MYO1E: variants seen among roughly 807,000 people sequenced by gnomAD.
MYO1E encodes unconventional myosin-Ie.
In MYO1E, 68 loss-of-function variants were observed where a neutral mutation model predicts 151.1. That is an observed-to-expected ratio of 0.45 (90% CI 0.37 to 0.55). The LOEUF (loss-of-function observed/expected upper bound fraction) is 0.55. Ranked by LOEUF, MYO1E falls within the 20% of genes least tolerant of loss-of-function variation. The pLI is 0.00. For synonymous variants in MYO1E, 601 were observed against 501.7 expected (o/e 1.20, Z -2.64); for missense variants, 1,363 against 1,389.3 (o/e 0.98, Z 0.30).
chr15:59,229,325 C>T (rs1365138591), intron 6 of MYO1E, among the ~76,000 whole-genome samples: 1 of 152,116 alleles, frequency 6.6e-6, no homozygotes, highest in Non-Finnish European at 1.5e-5. Flanking sequence ...AGGACCAGGG[C>T]CCGGAGCTGT....
chr15:59,353,356 C>CAAAAAAAA, intron 1 of MYO1E, among the ~76,000 whole-genome samples: 1 of 57,556 alleles, frequency 1.7e-5, no homozygotes, highest in Non-Finnish European at 3.6e-5. Flanking sequence ...GACCCTGTCT[C>CAAAAAAAA]AAAAAAAAAA....
chr15:59,195,384 G>C, intron 17 of MYO1E, 77 bp downstream of exon 17: 1 of 1,278,702 alleles, frequency 7.8e-7, no homozygotes. Context: ...CACTGCTCCT[G>C]CCTGTGATGG....
chr15:59,251,839 T>C (rs564604590), intron 4 of MYO1E, among the ~76,000 whole-genome samples: 1 of 152,214 alleles, frequency 6.6e-6, no homozygotes, highest in Non-Finnish European at 1.5e-5. Context: ...CAGGTTGACA[T>C]AGAAAAGGAT....
At position 59,138,209 on chromosome 15, in the gene MYO1E, A is replaced by G. The variant is rs376334415; in HGVS notation, c.3239T>C (p.Ile1080Thr). The G allele has an allele frequency of 1.9e-6, 3 of 1,614,046 alleles. No individual in the cohort carries two copies. Among genetic ancestry groups the G allele is most frequent in the African/African-American group, 2.7e-5 (2 of 74,902 alleles). Residue 1080 changes from isoleucine to threonine, a missense_variant, in exon 27 of 28, where the codon ATT becomes ACT. Ile to Thr is a moderately conservative substitution (Grantham distance 89). Transcript: ENST00000288235. ...LSFNANDIID[I>T]IKEDPSGWWT... ...AGCCACACACTTACCTTCTTTGATA[A>G]TATCAATAATGTCATTGGCATTAAA...
In MYO1E at chr15:59,272,561, G is replaced by A. The variant is rs1434146215; in HGVS notation, c.4-112C>T. ...CTTAAAATAAAATGTAGCAGAAAGAGCAGTGCAGAGAAAGATTCTGCAATC... is the reference window on the plus strand; with the variant it reads ...CTTAAAATAAAATGTAGCAGAAAGAACAGTGCAGAGAAAGATTCTGCAATC... On this transcript the variant is annotated intron_variant, in intron 1 of 27. Coordinates refer to ENST00000288235, the MANE Select transcript of MYO1E (RefSeq NM_004998.4). 7 of 1,170,922 alleles carry A rather than the reference G, an allele frequency of 6.0e-6. No homozygotes were observed. In the African/African-American group the frequency reaches 1.1e-4, roughly 18 times the overall value. 72.5% of individuals were successfully genotyped at this position (1,170,922 alleles called of 1,614,324 possible).
At chr15:59,138,504 G>T in intron 26 of MYO1E, 137 bp from the exon 27 acceptor site, 1 of 916,796 alleles carries the variant, frequency 1.1e-6, no homozygotes, top group East Asian at 2.5e-5. Context: ...ATGTGGCCCA[G>T]GGTGCAGTCT....
chr15:59,166,973 C>G (rs1450413723), intron 22 of MYO1E, among the ~76,000 whole-genome samples: 1 of 152,214 alleles, frequency 6.6e-6, no homozygotes. Context: ...GAGGCAGTGA[C>G]TGTGCCTCAT....
chr15:59,319,906 GCAAA>G lies in MYO1E; in HGVS notation c.4-47461_4-47458del, dbSNP rs766495069. On this transcript the variant is annotated intron_variant, in intron 1 of 27. Transcript: ENST00000288235. ...AACAAGAGCAAAACTCCGTCTCAAAGCAAACAAACAAACAAAGAAAGAAACACCC... is the reference window on the plus strand; with the variant it reads ...AACAAGAGCAAAACTCCGTCTCAAAGCAAACAAACAAAGAAAGAAACACCC... Among the ~76,000 whole-genome samples the G allele has an allele frequency of 9.9e-5, 15 of 151,986 alleles. No individual in the cohort carries two copies. In the East Asian group the frequency reaches 2.5e-3, roughly 26 times the overall value.
chr15:59,250,256 C>G (rs2080156285), intron 4 of MYO1E, among the ~76,000 whole-genome samples: 1 of 152,136 alleles, frequency 6.6e-6, no homozygotes, highest in Non-Finnish European at 1.5e-5. Flanking sequence ...TGGGACATAC[C>G]ATCGCAATTC....
chr15:59,269,983 T>C lies in MYO1E; in HGVS notation c.147+2323A>G, dbSNP rs188428302. On this transcript the variant is annotated intron_variant, in intron 2 of 27. Transcript: ENST00000288235. ...TTACAACTACTTAGCTCTGCCACCA[T>C]AGTGTGAAAACAACCCTAAACAATA... Among the ~76,000 whole-genome samples, 157 of 152,234 alleles carry C rather than the reference T, an allele frequency of 1.0e-3. 1 individual carries two copies. The East Asian group carries it at 0.024, about 23-fold the overall frequency.
At chr15:59,161,485 G>T (rs7165647) in intron 23 of MYO1E, among the ~76,000 whole-genome samples, 2 of 152,094 alleles carry the variant, frequency 1.3e-5, no homozygotes, top group African/African-American at 4.8e-5. Context: ...AGGTACATCT[G>T]GCTAATGTGC....
rs1201522899 is a variant in MYO1E at position 59,159,286 on chromosome 15, A to G, written c.2786-907T>C. Among the ~76,000 whole-genome samples, 2 of 152,268 alleles carry G rather than the reference A, an allele frequency of 1.3e-5. No homozygotes were observed. The highest frequency in any genetic ancestry group is 3.9e-4 in the East Asian group (2 of 5,178). ...GGCCACTCTCGCCACCCCAAATAAG[A>G]TAGAATCCAACACCTATTGGGCAAT... is the stretch of plus-strand genomic sequence containing the variant. On this transcript the variant is annotated intron_variant, in intron 24 of 27. Transcript: ENST00000288235. The surrounding 1 kb of genome is among the most constrained non-coding windows in gnomAD (Gnocchi z 4.4).
At chr15:59,299,831 AATC>A (rs2080471518) in intron 1 of MYO1E, among the ~76,000 whole-genome samples, 1 of 152,192 alleles carries the variant, frequency 6.6e-6, no homozygotes, top group South Asian at 2.1e-4. Flanking sequence ...AATTAGCTCT[AATC>A]ATCATTTATG....
intron 21 of MYO1E, 122 bp from the exon 22 acceptor site, chr15:59,172,164 C>T (rs1356505494): frequency 6.3e-6 from 7 of 1,105,520 alleles, no homozygotes; most frequent in Middle Eastern, 5.6e-4. Context: ...CGAGACCAGC[C>T]TGACCAACAT....
At chr15:59,191,370 A>AGAG (rs1491073271) in intron 17 of MYO1E, among the ~76,000 whole-genome samples, 3,974 of 123,212 alleles carry the variant, frequency 0.032, 101 homozygotes, top group Middle Eastern at 0.048. Context: ...GAGAGAGAGA[A>AGAG]AGAAATGTCA....
rs545182084 is a variant in MYO1E at position 59,185,359 on chromosome 15, C to T, written c.1904+2759G>A. Among the ~76,000 whole-genome samples the T allele has an allele frequency of 5.3e-5, 8 of 152,282 alleles. No individual in the cohort carries two copies. In the East Asian group the frequency reaches 1.5e-3, roughly 29 times the overall value. ...GCCAACTCACTGCAACTTCCATCTC[C>T]CTGGTTCAAGCAATTCTCCTGCCTC... is the stretch of plus-strand genomic sequence containing the variant. On this transcript the variant is annotated intron_variant, in intron 18 of 27. Transcript: ENST00000288235.
intron 1 of MYO1E, among the ~76,000 whole-genome samples, chr15:59,277,560 A>AACAACAACAACAAC (rs1567000029): frequency 1.6e-5 from 2 of 126,712 alleles, no homozygotes; most frequent in African/African-American, 3.5e-5. Flanking sequence ...AAAAAAAAAA[A>AACAACAACAACAAC]AAAAAAAAAA....
chr15:59,336,406 G>C (rs535395959), intron 1 of MYO1E, among the ~76,000 whole-genome samples: 70 of 152,072 alleles, frequency 4.6e-4, no homozygotes, highest in African/African-American at 1.6e-3. Context: ...GATTCAAAGG[G>C]ACATACATAA....
intron 17 of MYO1E, among the ~76,000 whole-genome samples, 181 bp from the exon 18 acceptor site, chr15:59,188,397 T>C (rs549917372): frequency 2.6e-4 from 39 of 152,268 alleles, no homozygotes; most frequent in Middle Eastern, 3.4e-3. Flanking sequence ...TTTTTAAATA[T>C]TGAAATACAG....
Sources: allele counts gnomAD v4.1 joint callset (sites outside exome capture counted in the v4.1 genomes callset), GRCh38; gene constraint gnomAD v4.1.1; non-coding constraint Gnocchi (gnomAD v3.1); transcripts MANE v1.5; gene names NCBI Gene and HGNC (gene_info 2026-07-23, HGNC 2026-07-21).